Variants in ADAM9 observed in about 807,000 individuals in gnomAD.
The protein encoded by ADAM9 is ADAM metallopeptidase domain 9, also known as disintegrin and metalloproteinase domain-containing protein 9.
A neutral mutation model predicts 108.1 loss-of-function variants in ADAM9; 54 were observed. The ratio of observed to expected loss-of-function variants is 0.50; its 90% CI spans 0.40 to 0.63. ADAM9 has a LOEUF of 0.63. Among genes scored for constraint, ADAM9 ranks in the 20% least tolerant of loss-of-function variants. The probability of loss-of-function intolerance (pLI) is 0.00; values close to 1 mark genes in which losing one functional copy is unlikely to be tolerated. For missense variants in ADAM9, 830 were observed against 997.7 expected, an observed-to-expected ratio of 0.83 and a Z score of 2.26; for synonymous variants, 316 against 336.0, an observed-to-expected ratio of 0.94 and a Z score of 0.65.
intron 11 of ADAM9, among the ~76,000 whole-genome samples, chr8:39,033,232 C>G (rs1837154590): frequency 6.6e-6 from 1 of 152,174 alleles, no homozygotes; most frequent in Admixed American, 6.5e-5. Context: ...TCATTGCTGG[C>G]ATATAGGAAA....
At chr8:39,049,017 T>C (rs575057671) in intron 12 of ADAM9, among the ~76,000 whole-genome samples, 1 of 132,168 alleles carries the variant, frequency 7.6e-6, no homozygotes, top group Non-Finnish European at 1.6e-5. Context: ...TTTTTTTTTT[T>C]ATCCATTCAG....
intron 14 of ADAM9, among the ~76,000 whole-genome samples, chr8:39,063,467 A>C (rs115359610): frequency 1.6e-4 from 24 of 152,350 alleles, no homozygotes; most frequent in African/African-American, 5.8e-4. Context: ...AGGCGCCTGT[A>C]ATCCCAGCAC....
intron 20 of ADAM9, among the ~76,000 whole-genome samples, chr8:39,096,158 G>T (rs1274736439): frequency 7.9e-6 from 1 of 126,520 alleles, no homozygotes; most frequent in Non-Finnish European, 1.8e-5. Context: ...CATATAGTGT[G>T]TAATGATCAA....
In ADAM9 at chr8:39,077,323, C is replaced by G; in HGVS notation, c.1793C>G (p.Thr598Ser). The G allele has an allele frequency of 6.2e-7, 1 of 1,613,944 alleles. No homozygotes were observed. The highest frequency in any genetic ancestry group is 8.5e-7 in the Non-Finnish European group (1 of 1,179,994). ...PAIIQTPSRG[T>S]KCWGVDFQLG... ...ATTATTCAAACGCCTAGTCGAGGCACCAAATGTTGGGGTGTGGATTTCCAG... is the reference window on the plus strand; with the variant it reads ...ATTATTCAAACGCCTAGTCGAGGCAGCAAATGTTGGGGTGTGGATTTCCAG... Residue 598 changes from threonine to serine, a missense_variant, in exon 16 of 22, where the codon ACC becomes AGC. This residue lies in a region of ADAM9 where 381 missense variants were observed against 539.8 expected (regional missense o/e 0.71). Coordinates refer to ENST00000487273, the MANE Select transcript of ADAM9 (RefSeq NM_003816.3).
rs566184324 is a variant in ADAM9, at chr8:38,997,651, T to C, written c.97+491T>C. Among the ~76,000 whole-genome samples the C allele has an allele frequency of 5.3e-5, 8 of 152,372 alleles. No homozygotes were observed. In the East Asian group the frequency reaches 1.5e-3, roughly 29 times the overall value. On this transcript the variant is annotated intron_variant, in intron 1 of 21. Transcript: ENST00000487273. ...TTGCTGCAGGTTATAATTTGAAATT[T>C]TGACGTTCATGGTATCCTTGGGTCA...
chr8:39,056,746 G>A (rs779024210), intron 14 of ADAM9, among the ~76,000 whole-genome samples: 1 of 151,794 alleles, frequency 6.6e-6, no homozygotes, highest in African/African-American at 2.4e-5. Flanking sequence ...TTAACCATTG[G>A]CCTGATTGTG....
intron 8 of ADAM9, among the ~76,000 whole-genome samples, chr8:39,022,462 T>G (rs112055362): frequency 1.6e-3 from 239 of 152,270 alleles, no homozygotes; most frequent in African/African-American, 5.6e-3. Context: ...GACAGGATCT[T>G]GGGGTAGCAC....
At chr8:39,033,455 T>G (rs1214911105) in intron 11 of ADAM9, among the ~76,000 whole-genome samples, 1 of 151,918 alleles carries the variant, frequency 6.6e-6, no homozygotes, top group Non-Finnish European at 1.5e-5. Context: ...CTGATATTGC[T>G]TTACCTTCCT....
chr8:39,002,033 T>TAAAAAAAA (rs35778686), intron 1 of ADAM9, among the ~76,000 whole-genome samples: 2 of 108,624 alleles, frequency 1.8e-5, no homozygotes, highest in African/African-American at 3.4e-5. Context: ...CTAGAATGAT[T>TAAAAAAAA]AAAAAAAAAA....
intron 20 of ADAM9, among the ~76,000 whole-genome samples, chr8:39,096,341 TA>T (rs1839506231): frequency 4.0e-5 from 5 of 126,124 alleles, no homozygotes; most frequent in East Asian, 3.0e-4. Context: ...CTATAGCACA[TA>T]TATTGTGATA....
chr8:39,099,615 C>T (rs1839619652), intron 20 of ADAM9, among the ~76,000 whole-genome samples: 2 of 151,998 alleles, frequency 1.3e-5, no homozygotes, highest in African/African-American at 4.8e-5. Context: ...TAGATCTTTG[C>T]ATACATTTAA....
In ADAM9 at chr8:39,016,153, T is replaced by G; in HGVS notation, c.369T>G (p.Val123=). The change falls in exon 5 of 22, where the codon GTT becomes GTG. Residue 123 remains valine (V), a synonymous_variant. Coordinates refer to ENST00000487273, the MANE Select transcript of ADAM9 (RefSeq NM_003816.3). ...ATTATCGGGGCTATGTGGAGGGAGTTCATAATTCATCCATTGCTCTTAGCG... is the reference window on the plus strand; with the variant it reads ...ATTATCGGGGCTATGTGGAGGGAGTGCATAATTCATCCATTGCTCTTAGCG... ...HCHYRGYVEG[V]HNSSIALSDC... is the part of the protein sequence containing the mutation. The G allele has an allele frequency of 6.2e-7, 1 of 1,613,892 alleles. No individual in the cohort carries two copies. Among genetic ancestry groups the G allele is most frequent in the Non-Finnish European group, 8.5e-7 (1 of 1,179,848 alleles).
chr8:39,071,230 A>G (rs2129441340), intron 14 of ADAM9, 68 bp from the exon 15 acceptor site: 6 of 1,456,260 alleles, frequency 4.1e-6, no homozygotes, highest in Non-Finnish European at 5.7e-6. Flanking sequence ...GTTGTAGGGA[A>G]TACTTTTATT....
At chr8:39,011,176 G>A (rs377587307) in intron 2 of ADAM9, among the ~76,000 whole-genome samples, 9 of 151,936 alleles carry the variant, frequency 5.9e-5, no homozygotes, top group South Asian at 4.2e-4. Context: ...TTTCAAGGAC[G>A]TTAATGTGAG....
At chr8:39,071,441 T>G in intron 15 of ADAM9, 38 bp downstream of exon 15, 1 of 1,457,750 alleles carries the variant, frequency 6.9e-7, no homozygotes, top group Non-Finnish European at 9.6e-7. Context: ...TATGAAAGAT[T>G]ATAAGATCCG....
chr8:39,103,989 T>C lies in ADAM9; in HGVS notation c.*289T>C. The C allele has an allele frequency of 1.8e-6, 1 of 571,120 alleles. No homozygotes were observed. Among genetic ancestry groups the C allele is most frequent in the Non-Finnish European group, 3.3e-6 (1 of 304,000 alleles). 35.4% of individuals were successfully genotyped at this position (571,120 alleles called of 1,614,324 possible). Reference sequence around the variant, plus strand: ...GCACTAATCATGGATTTTTTGAACATGTTATTGCAGTGATTCTCAAATTAA... The same window carrying C: ...GCACTAATCATGGATTTTTTGAACACGTTATTGCAGTGATTCTCAAATTAA... On this transcript the variant is annotated 3_prime_UTR_variant, in exon 22 of 22. Transcript: ENST00000487273.
chr8:39,084,277 T>C (rs1839113436), intron 18 of ADAM9, among the ~76,000 whole-genome samples: 1 of 151,996 alleles, frequency 6.6e-6, no homozygotes. Flanking sequence ...TTAGTCTGCT[T>C]ACTTTGGGTT....
intron 12 of ADAM9, among the ~76,000 whole-genome samples, chr8:39,045,242 A>G (rs550803908): frequency 6.8e-6 from 1 of 146,710 alleles, no homozygotes; most frequent in East Asian, 2.0e-4. Context: ...ATATGTGTAT[A>G]CATACATATA....
intron 12 of ADAM9, among the ~76,000 whole-genome samples, chr8:39,052,442 A>T (rs1157814204): frequency 6.6e-6 from 1 of 152,052 alleles, no homozygotes; most frequent in East Asian, 1.9e-4. Flanking sequence ...TTTATGTTGA[A>T]ATTTAAAATT....
Sources: allele counts gnomAD v4.1 joint callset (sites outside exome capture counted in the v4.1 genomes callset), GRCh38; gene constraint gnomAD v4.1.1; regional missense constraint gnomAD v4.1.1; transcripts MANE v1.5; gene names NCBI Gene and HGNC (gene_info 2026-07-23, HGNC 2026-07-21).